The following RANBP2 variants were observed in gnomAD, a reference collection of about 807,000 sequenced individuals.
RANBP2 encodes E3 SUMO-protein ligase RanBP2.
Under a neutral mutation model 303.6 loss-of-function variants are expected in RANBP2, and 57 were observed. That is an observed-to-expected ratio of 0.19 (90% confidence interval 0.15 to 0.23). The LOEUF (loss-of-function observed/expected upper bound fraction) is 0.23, where lower values mean the gene tolerates loss of function less well. Among genes scored for constraint, RANBP2 ranks in the 10% least tolerant of loss-of-function variants. The pLI is 1.00. For missense variants in RANBP2, 3,138 were observed against 3,780.8 expected, an observed-to-expected ratio of 0.83 and a Z score of 4.46; for synonymous variants, 1,167 against 1,301.5, an observed-to-expected ratio of 0.90 and a Z score of 2.23.
chr2:108,764,774 C>A lies in RANBP2; in HGVS notation c.4235C>A (p.Thr1412Asn). 6.2e-7 allele frequency: 1 copy of A among 1,614,004 alleles called. No individual in the cohort carries two copies. The highest frequency in any genetic ancestry group is 8.5e-7 in the Non-Finnish European group (1 of 1,179,962). Residue 1412 changes from threonine to asparagine, a missense_variant, in exon 20 of 29, where the codon ACT becomes AAT. Around this residue, in one of 20 missense-constraint regions of RANBP2, gnomAD observed 388 missense variants for 328.5 expected, o/e 1.18. Transcript: ENST00000283195. ...ENVQDRFALV[T>N]PKKEGHWDCS... Reference sequence around the variant, plus strand: ...GTTCAAGATCGATTTGCATTGGTGACTCCAAAGAAAGAAGGTCACTGGGAT... The same window carrying A: ...GTTCAAGATCGATTTGCATTGGTGAATCCAAAGAAAGAAGGTCACTGGGAT...
At chr2:109,601,669 C>T in the RANBP2 span, among the ~76,000 whole-genome samples, 485 of 152,072 alleles carry the variant, frequency 3.2e-3, 1 homozygote, top group Non-Finnish European at 5.8e-3. Context: ...TTATTACTGA[C>T]CCTTCCAGTT....
the RANBP2 span, among the ~76,000 whole-genome samples, chr2:109,046,852 C>G: frequency 6.6e-6 from 1 of 152,046 alleles, no homozygotes; most frequent in African/African-American, 2.4e-5. Context: ...GTGGACTGCA[C>G]AGCTGACAGT....
chr2:109,598,838 C>A, the RANBP2 span, among the ~76,000 whole-genome samples: 964 of 151,884 alleles, frequency 6.3e-3, 4 homozygotes, highest in South Asian at 0.017. Context: ...CCAGATCACA[C>A]CACTGCACTC....
At chr2:109,517,236 G>A in the RANBP2 span, among the ~76,000 whole-genome samples, 4 of 151,980 alleles carry the variant, frequency 2.6e-5, no homozygotes, top group South Asian at 2.1e-4. Flanking sequence ...TGCCAGCATC[G>A]CCCGCCCCCT....
At chr2:109,720,903 A>G in the RANBP2 span, among the ~76,000 whole-genome samples, 1 of 152,132 alleles carries the variant, frequency 6.6e-6, no homozygotes, top group African/African-American at 2.4e-5. Context: ...CGGCCCTTCT[A>G]GCACAATGCC....
chr2:109,524,976 G>T, the RANBP2 span, among the ~76,000 whole-genome samples: 1 of 151,818 alleles, frequency 6.6e-6, no homozygotes, highest in Non-Finnish European at 1.5e-5. Context: ...GGATTCATCC[G>T]TCCTCTGCAT....
chr2:109,467,921 G>A, the RANBP2 span, among the ~76,000 whole-genome samples: 11 of 152,306 alleles, frequency 7.2e-5, no homozygotes, highest in South Asian at 4.1e-4. Context: ...ACCCCAGGGC[G>A]CAGTCCTGTG....
the RANBP2 span, among the ~76,000 whole-genome samples, chr2:109,628,876 C>T: frequency 3.9e-5 from 6 of 151,928 alleles, no homozygotes; most frequent in African/African-American, 1.5e-4. Context: ...TGAGGGAGTT[C>T]GTGCTCTTGG....
the RANBP2 span, among the ~76,000 whole-genome samples, chr2:108,796,466 A>C: frequency 1.3e-5 from 2 of 152,206 alleles, no homozygotes; most frequent in South Asian, 2.1e-4. Flanking sequence ...ATGATCCAGC[A>C]ATCCCACTCC....
At chr2:109,632,648 C>A in the RANBP2 span, among the ~76,000 whole-genome samples, 1 of 152,034 alleles carries the variant, frequency 6.6e-6, no homozygotes, top group African/African-American at 2.4e-5. Flanking sequence ...GTAGAAACCC[C>A]GTTTCTACTA....
At chr2:109,473,793 GC>G in the RANBP2 span, among the ~76,000 whole-genome samples, 1 of 146,766 alleles carries the variant, frequency 6.8e-6, no homozygotes, top group African/African-American at 2.5e-5. Flanking sequence ...AGGCCTCTGA[GC>G]CCCCCGTGCA....
At chr2:109,637,236 A>T in the RANBP2 span, among the ~76,000 whole-genome samples, 1 of 152,178 alleles carries the variant, frequency 6.6e-6, no homozygotes, top group African/African-American at 2.4e-5. Context: ...ATTTCTGTAA[A>T]CATGTCTCGC....
the RANBP2 span, among the ~76,000 whole-genome samples, chr2:109,334,796 C>G: frequency 2.0e-5 from 3 of 152,018 alleles, no homozygotes; most frequent in Non-Finnish European, 2.9e-5. Context: ...TTTTCTCTCT[C>G]CTTCTCCAAC....
At chr2:108,995,210 G>A in the RANBP2 span, among the ~76,000 whole-genome samples, 1 of 152,050 alleles carries the variant, frequency 6.6e-6, no homozygotes, top group Non-Finnish European at 1.5e-5. Context: ...ACCTGTGCTG[G>A]AGTGAAGTAG....
At chr2:108,907,474 C>T in the RANBP2 span, among the ~76,000 whole-genome samples, 4 of 151,952 alleles carry the variant, frequency 2.6e-5, no homozygotes, top group South Asian at 2.1e-4. Context: ...AGTGAAACCT[C>T]GTCTCTACTA....
chr2:109,552,003 T>C, the RANBP2 span, among the ~76,000 whole-genome samples: 1 of 152,148 alleles, frequency 6.6e-6, no homozygotes, highest in African/African-American at 2.4e-5. Flanking sequence ...CTACACAGTA[T>C]AAGGTGAGTG....
the RANBP2 span, among the ~76,000 whole-genome samples, chr2:109,519,789 C>G: frequency 6.6e-6 from 1 of 152,228 alleles, no homozygotes; most frequent in African/African-American, 2.4e-5. Context: ...CTATTGCCTG[C>G]TCTTGTTGCT....
the RANBP2 span, among the ~76,000 whole-genome samples, chr2:108,819,631 A>G: frequency 6.6e-6 from 1 of 152,234 alleles, no homozygotes; most frequent in African/African-American, 2.4e-5. Context: ...CAGAGAAGAC[A>G]CATGTCTCAG....
chr2:109,036,853 C>T, the RANBP2 span, among the ~76,000 whole-genome samples: 6 of 152,022 alleles, frequency 3.9e-5, no homozygotes, highest in African/African-American at 1.4e-4. Flanking sequence ...TCAAAAAATA[C>T]AAAAATCAGG....
Sources: gnomAD v4.1 joint callset for allele counts (sites outside exome capture counted in the v4.1 genomes callset) on GRCh38, gnomAD v4.1.1 for gene constraint, gnomAD v4.1.1 regional missense constraint, MANE v1.5 for transcripts, NCBI Gene and HGNC (gene_info 2026-07-23, HGNC 2026-07-21) for gene names.